The following STAM2 variants were observed in gnomAD, a reference collection of about 807,000 sequenced individuals.
STAM2 encodes the protein signal transducing adapter molecule 2.
Under a neutral mutation model 65.6 loss-of-function variants are expected in STAM2, and 51 were observed. That is an observed-to-expected ratio of 0.78 (90% CI 0.62 to 0.98). The LOEUF (loss-of-function observed/expected upper bound fraction) is 0.98. Among genes scored for constraint, STAM2 ranks in the 50% least tolerant of loss-of-function variants. The pLI is 0.00. For synonymous variants in STAM2, 198 were observed against 208.4 expected (o/e 0.95, Z 0.43); for missense variants, 584 against 617.8 (o/e 0.95, Z 0.58).
At chr2:152,160,607 G>C (rs1231344540) in intron 1 of STAM2, among the ~76,000 whole-genome samples, 1 of 151,486 alleles carries the variant, frequency 6.6e-6, no homozygotes. Flanking sequence ...GGGAGGTGGG[G>C]GGTCAGCCCC....
chr2:152,159,129 A>ATATATATATATATATATAAAC (rs1212067676), intron 1 of STAM2, among the ~76,000 whole-genome samples: 1 of 144,748 alleles, frequency 6.9e-6, no homozygotes, highest in Non-Finnish European at 1.5e-5. Flanking sequence ...AGATATATAT[A>ATATATATATATATATATAAAC]ATTTTTTTTC....
At chr2:152,126,780 C>G (rs1688970977) in intron 11 of STAM2, among the ~76,000 whole-genome samples, 2 of 152,202 alleles carry the variant, frequency 1.3e-5, no homozygotes, top group Admixed American at 1.3e-4. Flanking sequence ...GATTACAGGT[C>G]CAGTCTCCAT....
intron 11 of STAM2, among the ~76,000 whole-genome samples, chr2:152,130,935 G>T (rs1689048918): frequency 1.3e-5 from 2 of 149,222 alleles, no homozygotes; most frequent in South Asian, 4.3e-4. Context: ...GGTGGAGGTT[G>T]CAGTGAGCCG....
At position 152,139,991 on chromosome 2, in the gene STAM2, C is replaced by T. The variant is rs144297203; in HGVS notation, c.704+3836G>A. 2.2e-3 allele frequency among the ~76,000 whole-genome samples: 338 copies of T among 152,168 alleles called. 1 individual carries two copies. The highest frequency in any genetic ancestry group is 6.7e-3 in the African/African-American group (278 of 41,512). ...GTGTGTAAGTTATATGCAAATATGACGCCATTTTATATCGAAGACTTGCAT... is the reference window on the plus strand; with the variant it reads ...GTGTGTAAGTTATATGCAAATATGATGCCATTTTATATCGAAGACTTGCAT... On this transcript the variant is annotated intron_variant, in intron 7 of 13. Transcript: ENST00000263904.
chr2:152,141,082 T>C (rs947295266), intron 7 of STAM2, among the ~76,000 whole-genome samples: 6 of 144,208 alleles, frequency 4.2e-5, no homozygotes, highest in Non-Finnish European at 7.5e-5. Context: ...GAGGTTGCAG[T>C]GAGCCAAGAT....
At chr2:152,136,633 G>A (rs1321790380) in intron 7 of STAM2, among the ~76,000 whole-genome samples, 3 of 134,186 alleles carry the variant, frequency 2.2e-5, no homozygotes, top group Non-Finnish European at 4.9e-5. Flanking sequence ...AGACACAGAT[G>A]CTAATCCATA....
chr2:152,136,781 T>C (rs1689163425), intron 7 of STAM2, among the ~76,000 whole-genome samples: 1 of 152,182 alleles, frequency 6.6e-6, no homozygotes, highest in African/African-American at 2.4e-5. Flanking sequence ...TCTTTCACCA[T>C]TACAAAGATA....
At chr2:152,169,521 C>G (rs1689860509) in intron 1 of STAM2, among the ~76,000 whole-genome samples, 1 of 152,062 alleles carries the variant, frequency 6.6e-6, no homozygotes, top group Non-Finnish European at 1.5e-5. Flanking sequence ...AAGCAATCCA[C>G]CAAGTGTTTG....
chr2:152,130,123 T>C (rs1225505839), intron 11 of STAM2, among the ~76,000 whole-genome samples: 2 of 152,214 alleles, frequency 1.3e-5, no homozygotes, highest in Non-Finnish European at 2.9e-5. Flanking sequence ...CTATCCCTTG[T>C]TTTCCTTTCA....
In STAM2 at chr2:152,175,618, A is replaced by T. The variant is rs948716936; in HGVS notation, c.25T>A (p.Phe9Ile). ...CAGCACTCACCCACGTCTTGCTCGAAGGGGTTGGCGGTGAACAAAGGCATC... is the reference window on the plus strand; with the variant it reads ...CAGCACTCACCCACGTCTTGCTCGATGGGGTTGGCGGTGAACAAAGGCATC... The part of the protein sequence containing the change: MPLFTANP[F>I]EQDVEKATNE... The change falls in exon 1 of 14, where the codon TTC becomes ATC. Residue 9 changes from phenylalanine (F) to isoleucine (I), a missense_variant. Coordinates refer to ENST00000263904, the MANE Select transcript of STAM2 (RefSeq NM_005843.6). 8.7e-6 allele frequency: 14 copies of T among 1,613,826 alleles called. No individual in the cohort carries two copies. Among genetic ancestry groups the T allele is most frequent in the Non-Finnish European group, 1.2e-5 (14 of 1,179,940 alleles).
chr2:152,144,141 C>G, intron 6 of STAM2, 128 bp from the exon 7 acceptor site: 9 of 539,374 alleles, frequency 1.7e-5, no homozygotes, highest in East Asian at 9.5e-5. Flanking sequence ...CTACAGTTAA[C>G]TTTCGGGAGG....
In STAM2 at chr2:152,120,561, G is replaced by C. The variant is rs747276193; in HGVS notation, c.*13C>G. 1.2e-6 allele frequency: 2 copies of C among 1,610,490 alleles called. No homozygotes were observed. Among genetic ancestry groups the C allele is most frequent in the Non-Finnish European group, 1.7e-6 (2 of 1,176,876 alleles). On this transcript the variant is annotated 3_prime_UTR_variant, in exon 14 of 14. Coordinates refer to ENST00000263904, the MANE Select transcript of STAM2 (RefSeq NM_005843.6). ...CACTTATGAAGGCTTTCAAGAAAAT[G>C]CTTGATTTGTTTCTAAAGGAGAGGC...
chr2:152,144,865 A>C (rs1291587727), intron 6 of STAM2, 23 bp downstream of exon 6: 1 of 1,608,068 alleles, frequency 6.2e-7, no homozygotes, highest in Non-Finnish European at 8.5e-7. Flanking sequence ...GCAACACTAA[A>C]TTACATGTGC....
chr2:152,152,705 T>C lies in STAM2; in HGVS notation c.41-2476A>G, dbSNP rs188825010. ...TCCTGTGTCATATGGTAACTCTAAG[T>C]TTAATTTTTTTAGGAATGGGCAGTT... On this transcript the variant is annotated intron_variant, in intron 1 of 13. Transcript: ENST00000263904. 1.3e-5 allele frequency among the ~76,000 whole-genome samples: 2 copies of C among 152,352 alleles called. 1 individual carries two copies. Among genetic ancestry groups the C allele is most frequent in the Admixed American group, 1.3e-4 (2 of 15,304 alleles).
At chr2:152,134,793 G>A (rs1312634985) in intron 8 of STAM2, among the ~76,000 whole-genome samples, 1 of 152,122 alleles carries the variant, frequency 6.6e-6, no homozygotes, top group Non-Finnish European at 1.5e-5. Context: ...AATAATGAAT[G>A]CTCAAAAACC....
rs1180722849 is a variant in STAM2 at position 152,120,699 on chromosome 2, C to T, written c.1453G>A (p.Val485Met). 2 of 1,614,160 alleles carry T rather than the reference C, an allele frequency of 1.2e-6. No homozygotes were observed. Among genetic ancestry groups the T allele is most frequent in the African/African-American group, 2.7e-5 (2 of 75,040 alleles). The change falls in exon 14 of 14, where the codon GTG becomes ATG. Residue 485 changes from valine to methionine, a missense_variant. By Grantham distance (21) the Val-to-Met change is conservative. Transcript: ENST00000263904. The stretch of plus-strand genomic sequence containing the variant: ...GTGTTCTGATAAGATGACATATCCA[C>T]AGACATCCCCATTTGCTGTGTGTAA... Reference protein sequence around the residue: ...TAYTQQMGMSVDMSSYQNTTS... With the variant: ...TAYTQQMGMSMDMSSYQNTTS...
At chr2:152,130,936 C>T (rs1000671015) in intron 11 of STAM2, among the ~76,000 whole-genome samples, 3 of 145,866 alleles carry the variant, frequency 2.1e-5, no homozygotes, top group Admixed American at 7.0e-5. Context: ...GTGGAGGTTG[C>T]AGTGAGCCGA....
chr2:152,160,648 G>A lies in STAM2; in HGVS notation c.41-10419C>T, dbSNP rs185114570. Reference sequence around the variant, plus strand: ...GGCCAGCCGCCCCGTCCGGGAGGGCGGTGGGGGTCAGCCCCCCGCCCGGCC... The same window carrying A: ...GGCCAGCCGCCCCGTCCGGGAGGGCAGTGGGGGTCAGCCCCCCGCCCGGCC... On this transcript the variant is annotated intron_variant, in intron 1 of 13. Coordinates refer to ENST00000263904, the MANE Select transcript of STAM2 (RefSeq NM_005843.6). Among the ~76,000 whole-genome samples the A allele has an allele frequency of 0.05, 7,377 of 148,664 alleles. 950 individuals carry two copies. The East Asian group carries it at 0.54, about 11-fold the overall frequency.
chr2:152,142,665 T>A (rs552936561), intron 7 of STAM2, among the ~76,000 whole-genome samples: 1 of 152,150 alleles, frequency 6.6e-6, no homozygotes, highest in Non-Finnish European at 1.5e-5. Context: ...AATAAATAGG[T>A]TTTGTGTTAG....
Sources: allele counts gnomAD v4.1 joint callset (sites outside exome capture counted in the v4.1 genomes callset), GRCh38; gene constraint gnomAD v4.1.1; transcripts MANE v1.5; gene names NCBI Gene and HGNC (gene_info 2026-07-23, HGNC 2026-07-21).